Variants in QRSL1 observed in about 807,000 individuals in gnomAD.
QRSL1 encodes the protein glutamyl-tRNA(Gln) amidotransferase subunit A, mitochondrial.
QRSL1 carries 54 observed loss-of-function variants against 61.6 expected under a neutral mutation model. The ratio of observed to expected loss-of-function variants is 0.88; its 90% CI spans 0.70 to 1.10. QRSL1 has a LOEUF of 1.10. Among genes scored for constraint, QRSL1 ranks in the 50% least tolerant of loss-of-function variants. QRSL1 has a pLI of 0.00. For synonymous variants in QRSL1, 228 were observed against 225.7 expected, an observed-to-expected ratio of 1.01 and a Z score of -0.09; for missense variants, 505 against 622.6, an observed-to-expected ratio of 0.81 and a Z score of 2.01.
chr6:106,649,248 AAC>A lies in QRSL1; in HGVS notation c.557+49_557+50del, dbSNP rs3040665. On this transcript the variant is annotated intron_variant, in intron 5 of 10. Transcript: ENST00000369046. ...GTATTTTAAAACCCACCCAAATACA[AAC>A]AGTCATAAACTGTATCCAGCAATAG... is the stretch of plus-strand genomic sequence containing the variant. 759,805 of 1,583,792 alleles carry A rather than the reference AAC, an allele frequency of 0.48. 187,717 individuals carry two copies. Among genetic ancestry groups the A allele is most frequent in the Non-Finnish European group, 0.52 (598,676 of 1,158,086 alleles).
chr6:106,642,967 A>C, intron 3 of QRSL1, 27 bp from the exon 4 acceptor site: 1 of 1,481,796 alleles, frequency 6.7e-7, no homozygotes, highest in Non-Finnish European at 9.3e-7. Context: ...ACTGTAAAAA[A>C]AATAATAGTA....
At position 106,665,803 on chromosome 6, in the gene QRSL1, C is replaced by T; in HGVS notation, c.1388C>T (p.Pro463Leu). Residue 463 changes from proline to leucine, a missense_variant, in exon 11 of 11, where the codon CCT becomes CTT. By Grantham distance (98) the Pro-to-Leu change is moderately conservative. Transcript: ENST00000369046. ...NMAGLPAVSI[P>L]VALSNQGLPI... ...CCAGGATTGCCAGCAGTGAGTATCC[C>T]TGTTGCACTCTCAAACCAAGGGTTG... 1 of 1,613,934 alleles carries T rather than the reference C, an allele frequency of 6.2e-7. No individual in the cohort carries two copies. Among genetic ancestry groups the T allele is most frequent in the Admixed American group, 1.7e-5 (1 of 60,000 alleles).
intron 8 of QRSL1, 41 bp from the exon 9 acceptor site, chr6:106,655,569 GACTTT>G (rs1777255604): frequency 8.6e-7 from 1 of 1,159,114 alleles, no homozygotes; most frequent in East Asian, 2.6e-5. Context: ...AAACTTTACT[GACTTT>G]ACTTCCTTTC....
rs1562164982 is a variant in QRSL1, at chr6:106,639,111, G to GTTTTT, written c.25-1234_25-1233insTTTTT. Among the ~76,000 whole-genome samples the GTTTTT allele has an allele frequency of 7.6e-4, 46 of 60,746 alleles. 1 individual carries two copies. Among genetic ancestry groups the GTTTTT allele is most frequent in the African/African-American group, 2.9e-3 (44 of 14,934 alleles). The allele number at this position is 60,746 out of a possible 152,430, so 39.9% of individuals were successfully genotyped here. On this transcript the variant is annotated intron_variant, in intron 1 of 10. Transcript: ENST00000369046. ...ACCTAACTTGTGTGGTTATTTGTGT[G>GTTTTT]TTTTGTTGTTTTTTTTTTTTTTTTT... is the stretch of plus-strand genomic sequence containing the variant.
chr6:106,659,401 G>T (rs1207092950), intron 9 of QRSL1, among the ~76,000 whole-genome samples: 3 of 151,328 alleles, frequency 2.0e-5, no homozygotes, highest in African/African-American at 4.9e-5. Context: ...GGAGGCAGAG[G>T]TTGCAGTAAC....
chr6:106,636,432 T>C (rs1776922282), intron 1 of QRSL1, among the ~76,000 whole-genome samples: 1 of 152,046 alleles, frequency 6.6e-6, no homozygotes, highest in East Asian at 1.9e-4. Context: ...GCGATTCTCC[T>C]GCCTTAGCCT....
At chr6:106,665,683 C>T in intron 10 of QRSL1, 99 bp from the exon 11 acceptor site, 1 of 1,025,548 alleles carries the variant, frequency 9.8e-7, no homozygotes. Context: ...TTTTTTAAAC[C>T]TTATCCTGTA....
chr6:106,643,198 C>T (rs1582410246), intron 4 of QRSL1, 108 bp downstream of exon 4: 1 of 746,240 alleles, frequency 1.3e-6, no homozygotes, highest in Non-Finnish European at 2.2e-6. Flanking sequence ...TTCTTAGTCC[C>T]TCTGTGAGAT....
At chr6:106,642,348 G>A (rs9400036) in intron 3 of QRSL1, 157,985 of 343,244 alleles carry the variant, frequency 0.46, 38,052 homozygotes, top group Non-Finnish European at 0.53. Flanking sequence ...GAGCCACCCC[G>A]CCCCGCCGAC....
intron 1 of QRSL1, among the ~76,000 whole-genome samples, chr6:106,633,465 G>A (rs146774588): frequency 2.6e-5 from 4 of 152,238 alleles, no homozygotes; most frequent in South Asian, 2.1e-4. Flanking sequence ...GGAAATTTGC[G>A]GGGAATTAGG....
intron 5 of QRSL1, among the ~76,000 whole-genome samples, chr6:106,649,473 T>C (rs1005481319): frequency 6.6e-6 from 1 of 152,216 alleles, no homozygotes; most frequent in Non-Finnish European, 1.5e-5. Flanking sequence ...GAATAAAGCA[T>C]CGAACATAAA....
intron 9 of QRSL1, among the ~76,000 whole-genome samples, chr6:106,660,251 T>G (rs1164495948): frequency 1.3e-5 from 2 of 152,200 alleles, no homozygotes; most frequent in Middle Eastern, 3.4e-3. Context: ...CAAGCCGGAG[T>G]GCATTGGCAT....
At chr6:106,656,169 C>T (rs1336759614) in intron 9 of QRSL1, among the ~76,000 whole-genome samples, 1 of 152,204 alleles carries the variant, frequency 6.6e-6, no homozygotes, top group South Asian at 2.1e-4. Context: ...GCAAATACTA[C>T]ACCATTTTAT....
At chr6:106,658,387 T>C (rs1466235658) in intron 9 of QRSL1, among the ~76,000 whole-genome samples, 1 of 152,196 alleles carries the variant, frequency 6.6e-6, no homozygotes, top group Non-Finnish European at 1.5e-5. Flanking sequence ...ATATTTTCTC[T>C]GGGTTTAAAA....
intron 8 of QRSL1, among the ~76,000 whole-genome samples, chr6:106,655,296 A>G (rs1471821393): frequency 6.6e-6 from 1 of 152,138 alleles, no homozygotes; most frequent in East Asian, 1.9e-4. Flanking sequence ...GTCAAAAGGC[A>G]GATGGGGAAA....
intron 8 of QRSL1, 59 bp from the exon 9 acceptor site, chr6:106,655,556 C>T (rs1375865084): frequency 8.9e-7 from 1 of 1,128,198 alleles, no homozygotes; most frequent in East Asian, 2.5e-5. Context: ...CTGATTTTAG[C>T]CAAAACTTTA....
intron 9 of QRSL1, 69 bp from the exon 10 acceptor site, chr6:106,662,911 A>G (rs1777378835): frequency 7.7e-7 from 1 of 1,295,676 alleles, no homozygotes; most frequent in African/African-American, 1.5e-5. Context: ...ATCAAGCCTA[A>G]TGTAAGATAA....
rs144191952 is a variant in QRSL1 at position 106,652,345 on chromosome 6, A to G, written c.694A>G (p.Ile232Val). 1,000 of 1,614,196 alleles carry G rather than the reference A, an allele frequency of 6.2e-4. 8 individuals carry two copies. In the South Asian group the frequency reaches 6.6e-3, roughly 11 times the overall value. Reference sequence around the variant, plus strand: ...GGTGAATTCGATGGATGTGCCAGGAATCTTAACCAGATGTGTGGATGATGC... The same window carrying G: ...GGTGAATTCGATGGATGTGCCAGGAGTCTTAACCAGATGTGTGGATGATGC... ...PLVNSMDVPGILTRCVDDAAI... is the reference protein window; with the variant it reads ...PLVNSMDVPGVLTRCVDDAAI... Residue 232 changes from isoleucine to valine, a missense_variant, in exon 6 of 11, where the codon ATC (isoleucine) becomes GTC (valine). Coordinates refer to ENST00000369046, the MANE Select transcript of QRSL1 (RefSeq NM_018292.5).
rs1414613302 is a variant in QRSL1, at chr6:106,667,073, C to T, written c.*1071C>T. 3.3e-5 allele frequency: 5 copies of T among 152,246 alleles called. No individual in the cohort carries two copies. The highest frequency in any genetic ancestry group is 4.1e-4 in the South Asian group (2 of 4,828). The allele number at this position is 152,246 out of a possible 1,614,324, so 9.4% of individuals were successfully genotyped here. The stretch of plus-strand genomic sequence containing the variant: ...TCACAAATGAGCTCATTAATGTCAT[C>T]GAAACATTTATTGTAACCTAACAGA... On this transcript the variant is annotated 3_prime_UTR_variant, in exon 11 of 11. Transcript: ENST00000369046.
Sources: gnomAD v4.1 joint callset for allele counts (sites outside exome capture counted in the v4.1 genomes callset) on GRCh38, gnomAD v4.1.1 for gene constraint, MANE v1.5 for transcripts, NCBI Gene and HGNC (gene_info 2026-07-23, HGNC 2026-07-21) for gene names.